The following GANC variants were observed in gnomAD, a reference collection of about 807,000 sequenced individuals.
The protein encoded by GANC is neutral alpha-glucosidase C.
GANC carries 117 observed loss-of-function variants against 124.2 expected under a neutral mutation model. The ratio of observed to expected loss-of-function variants is 0.94; its 90% CI spans 0.81 to 1.10. The LOEUF is 1.10. Ranked by LOEUF, GANC falls within the 50% of genes least tolerant of loss-of-function variation. The pLI, the probability that GANC is intolerant of heterozygous loss-of-function variation, is 0.00. For missense variants in GANC, 1,140 were observed against 1,095.0 expected, an observed-to-expected ratio of 1.04 and a Z score of -0.58; for synonymous variants, 377 against 376.8, an observed-to-expected ratio of 1.00 and a Z score of -0.01.
chr15:42,307,422 C>CA, intron 7 of GANC, among the ~76,000 whole-genome samples: 1 of 149,152 alleles, frequency 6.7e-6, no homozygotes. Flanking sequence ...CACCCTTGAA[C>CA]TCCTGGCCTT....
intron 3 of GANC, among the ~76,000 whole-genome samples, chr15:42,285,934 T>C (rs889436814): frequency 6.6e-6 from 1 of 152,208 alleles, no homozygotes; most frequent in African/African-American, 2.4e-5. Context: ...AACAGGGTTA[T>C]TGCTCTCTTT....
chr15:42,353,569 T>G lies in GANC; in HGVS notation c.*1430T>G. ...TCAAGAGCATGTTCTGTTTCTCTTC[T>G]GTCTGACAGAGCACTATTATACCTG... On this transcript the variant is annotated 3_prime_UTR_variant, in exon 24 of 24. Coordinates refer to ENST00000318010, the MANE Select transcript of GANC (RefSeq NM_198141.3). 1 of 985,484 alleles carries G rather than the reference T, an allele frequency of 1.0e-6. No individual in the cohort carries two copies. Among genetic ancestry groups the G allele is most frequent in the African/African-American group, 1.7e-5 (1 of 57,320 alleles). The allele number at this position is 985,484 out of a possible 1,614,324, so 61.0% of individuals were successfully genotyped here. A position where few individuals can be genotyped will look rare whatever the true frequency, so the allele number is the denominator to read the frequency against.
chr15:42,348,022 A>G (rs2052381097), intron 20 of GANC, 81 bp from the exon 21 acceptor site: 2 of 835,024 alleles, frequency 2.4e-6, no homozygotes, highest in Admixed American at 3.4e-5. Context: ...TGTGAATTTT[A>G]TAAAATGAAA....
chr15:42,312,126 C>G (rs2052055938), intron 10 of GANC, among the ~76,000 whole-genome samples: 2 of 152,188 alleles, frequency 1.3e-5, no homozygotes, highest in Admixed American at 1.3e-4. Flanking sequence ...TCACTGCAAT[C>G]CCTATCAAAA....
intron 5 of GANC, among the ~76,000 whole-genome samples, chr15:42,294,002 G>A (rs528843571): frequency 2.6e-5 from 4 of 151,554 alleles, no homozygotes; most frequent in South Asian, 4.2e-4. Context: ...AGTGAGCTGC[G>A]ACTGTGGCAC....
chr15:42,325,598 C>T (rs565319244), intron 11 of GANC, among the ~76,000 whole-genome samples: 1 of 152,216 alleles, frequency 6.6e-6, no homozygotes, highest in East Asian at 1.9e-4. Flanking sequence ...ATCTGAGCGT[C>T]TAAATGTCTA....
chr15:42,317,276 G>A (rs1342612453), intron 10 of GANC, among the ~76,000 whole-genome samples: 2 of 142,040 alleles, frequency 1.4e-5, no homozygotes, highest in African/African-American at 2.6e-5. Context: ...CAACATGGAT[G>A]AACCTTGAAA....
intron 3 of GANC, among the ~76,000 whole-genome samples, chr15:42,283,380 T>C (rs2141018664): frequency 6.6e-6 from 1 of 152,334 alleles, no homozygotes; most frequent in Admixed American, 6.5e-5. Flanking sequence ...TTGTTGTTGT[T>C]GTTTTCCTAC....
chr15:42,293,526 T>G (rs542779571), intron 5 of GANC, among the ~76,000 whole-genome samples: 148 of 151,934 alleles, frequency 9.7e-4, no homozygotes, highest in Non-Finnish European at 8.2e-4. Flanking sequence ...TTCAACTCAT[T>G]TCTGTTTTAA....
At chr15:42,284,102 A>G (rs1028964044) in intron 3 of GANC, 20 of 652,640 alleles carry the variant, frequency 3.1e-5, no homozygotes, top group Admixed American at 1.1e-4. Context: ...AGTTCTTTAC[A>G]TAACAGTGAA....
intron 18 of GANC, among the ~76,000 whole-genome samples, chr15:42,341,855 C>T (rs182407083): frequency 3.3e-5 from 5 of 152,186 alleles, no homozygotes; most frequent in East Asian, 1.9e-4. Context: ...TGAGCTACCA[C>T]GCCCAGCCCC....
chr15:42,342,523 A>G (rs1290069668), intron 18 of GANC, among the ~76,000 whole-genome samples: 5 of 152,142 alleles, frequency 3.3e-5, no homozygotes, highest in Admixed American at 2.6e-4. Flanking sequence ...TAGAGGTTGC[A>G]GTAAGCTGTG....
At chr15:42,343,836 A>G (rs929009161) in intron 19 of GANC, among the ~76,000 whole-genome samples, 5 of 152,152 alleles carry the variant, frequency 3.3e-5, no homozygotes, top group African/African-American at 1.2e-4. Context: ...AGCTGGAGCA[A>G]AACTCAGGTC....
intron 17 of GANC, among the ~76,000 whole-genome samples, chr15:42,340,241 A>G (rs1414660421): frequency 6.6e-6 from 1 of 152,210 alleles, no homozygotes. Context: ...ATGAAGAATA[A>G]CTTATTTTGC....
intron 12 of GANC, 89 bp from the exon 13 acceptor site, chr15:42,327,274 C>T (rs778895802): frequency 2.1e-5 from 20 of 961,748 alleles, no homozygotes; most frequent in Non-Finnish European, 2.8e-5. Flanking sequence ...GCCCATTTCC[C>T]AGCTCTCACA....
Position 42,273,541 on chromosome 15 carries a change from T to G in GANC, c.-941T>G, listed in dbSNP as rs2051610135. The G allele has an allele frequency of 7.9e-6, 11 of 1,386,756 alleles. No individual in the cohort carries two copies. Among genetic ancestry groups the G allele is most frequent in the Non-Finnish European group, 9.6e-6 (10 of 1,041,388 alleles). 85.9% of individuals were successfully genotyped at this position (1,386,756 alleles called of 1,614,324 possible). A position where few individuals can be genotyped will look rare whatever the true frequency, so the allele number is the denominator to read the frequency against. On this transcript the variant is annotated 5_prime_UTR_variant, in exon 1 of 24. Transcript: ENST00000318010. The stretch of plus-strand genomic sequence containing the variant: ...GTTTGCTGTGCGGCGTAGCGGCCCC[T>G]CTCTCAGACAGTCGTCTGTGCGCCG...
chr15:42,309,624 A>T (rs1595773046), intron 8 of GANC, among the ~76,000 whole-genome samples: 1 of 151,594 alleles, frequency 6.6e-6, no homozygotes, highest in Non-Finnish European at 1.5e-5. Flanking sequence ...CAGCCTGGAC[A>T]CAATTCTTTT....
intron 4 of GANC, among the ~76,000 whole-genome samples, chr15:42,289,867 C>G (rs1028821148): frequency 3.9e-5 from 6 of 152,102 alleles, no homozygotes; most frequent in African/African-American, 1.4e-4. Flanking sequence ...AGGCTCTAAT[C>G]CATTATACCT....
Position 42,276,348 on chromosome 15 carries a change from TCTTGAA to T in GANC, c.31_36del (p.Leu11_Glu12del). Reference sequence around the variant, plus strand: ...TTTCTCAAAATGTCTTTTTATTTAGTCTTGAAGATGAAGCTGTAGATAAAAACATTT... The same window carrying T: ...TTTCTCAAAATGTCTTTTTATTTAGTGATGAAGCTGTAGATAAAAACATTT... On this transcript the variant is annotated inframe_deletion and splice_region_variant, in exon 2 of 24. Coordinates refer to ENST00000318010, the MANE Select transcript of GANC (RefSeq NM_198141.3). 1 of 1,369,608 alleles carries T rather than the reference TCTTGAA, an allele frequency of 7.3e-7. No individual in the cohort carries two copies. Among genetic ancestry groups the T allele is most frequent in the Non-Finnish European group, 1.0e-6 (1 of 960,660 alleles). 84.8% of individuals were successfully genotyped at this position (1,369,608 alleles called of 1,614,324 possible).
Sources: gnomAD v4.1 joint callset for allele counts (sites outside exome capture counted in the v4.1 genomes callset) on GRCh38, gnomAD v4.1.1 for gene constraint, MANE v1.5 for transcripts, NCBI Gene and HGNC (gene_info 2026-07-23, HGNC 2026-07-21) for gene names.